PPP2R5C: variants seen among roughly 807,000 people sequenced by gnomAD.
PPP2R5C encodes the protein protein phosphatase 2 regulatory subunit B'gamma.
PPP2R5C carries 7 observed loss-of-function variants against 68.9 expected under a neutral mutation model. The observed-to-expected ratio is 0.10, with a 90% confidence interval of 0.06 to 0.19. The LOEUF (loss-of-function observed/expected upper bound fraction) is 0.19, where lower values mean the gene tolerates loss of function less well. PPP2R5C is among the 10% of genes least tolerant of loss of function. The probability of loss-of-function intolerance (pLI) is 1.00; values close to 1 mark genes in which losing one functional copy is unlikely to be tolerated. For synonymous variants in PPP2R5C, 210 were observed against 222.2 expected, an observed-to-expected ratio of 0.95 and a Z score of 0.49; for missense variants, 348 against 641.3, an observed-to-expected ratio of 0.54 and a Z score of 4.94.
At chr14:101,829,484 G>A (rs1218007903) in intron 1 of PPP2R5C, among the ~76,000 whole-genome samples, 3 of 152,162 alleles carry the variant, frequency 2.0e-5, no homozygotes, top group Admixed American at 6.5e-5. Flanking sequence ...TTGGGGTTCT[G>A]GGCAGCCTGA....
chr14:101,848,167 GAA>G (rs2041952367), intron 1 of PPP2R5C, among the ~76,000 whole-genome samples: 1 of 152,110 alleles, frequency 6.6e-6, no homozygotes, highest in East Asian at 1.9e-4. Flanking sequence ...TCTTAATTGG[GAA>G]AGTTTTTCAA....
chr14:101,823,083 T>C (rs1212801436), intron 1 of PPP2R5C, among the ~76,000 whole-genome samples: 3 of 152,236 alleles, frequency 2.0e-5, no homozygotes, highest in Non-Finnish European at 2.9e-5. Context: ...AAACTAAACT[T>C]GGAACCCCTA....
At chr14:101,771,879 G>T (rs1302980031) in intron 2 of PPP2R5C, among the ~76,000 whole-genome samples, 1 of 152,142 alleles carries the variant, frequency 6.6e-6, no homozygotes, top group African/African-American at 2.4e-5. Flanking sequence ...TGGCCAAGAT[G>T]TTTGTTGTTT....
At chr14:101,907,488 A>G (rs2046107758) in intron 10 of PPP2R5C, among the ~76,000 whole-genome samples, 1 of 152,126 alleles carries the variant, frequency 6.6e-6, no homozygotes, top group Non-Finnish European at 1.5e-5. Context: ...TTAATATGGT[A>G]TCATCTAATA....
chr14:101,768,475 C>T (rs776680805), intron 2 of PPP2R5C, among the ~76,000 whole-genome samples: 1 of 152,070 alleles, frequency 6.6e-6, no homozygotes, highest in Non-Finnish European at 1.5e-5. Flanking sequence ...AACAGTAACA[C>T]CCATTACATG....
At chr14:101,777,743 AG>A (rs2037495910) in intron 2 of PPP2R5C, among the ~76,000 whole-genome samples, 1 of 152,180 alleles carries the variant, frequency 6.6e-6, no homozygotes, top group African/African-American at 2.4e-5. Flanking sequence ...GCAATATACA[AG>A]GGTTCCAATT....
In PPP2R5C at chr14:101,889,055, A is replaced by G. The variant is rs545605240; in HGVS notation, c.630-1182A>G. On this transcript the variant is annotated intron_variant, in intron 5 of 13. Transcript: ENST00000334743. ...AAATCCTCCTTCAGTACCCAATTCAAGCACCACCTCTCAGTGCATTCTGAT... is the reference window on the plus strand; with the variant it reads ...AAATCCTCCTTCAGTACCCAATTCAGGCACCACCTCTCAGTGCATTCTGAT... Among the ~76,000 whole-genome samples, 3 of 152,330 alleles carry G rather than the reference A, an allele frequency of 2.0e-5. No homozygotes were observed. The South Asian group carries it at 6.2e-4, about 32-fold the overall frequency.
At chr14:101,828,871 G>T (rs1236524676) in intron 1 of PPP2R5C, among the ~76,000 whole-genome samples, 2 of 151,830 alleles carry the variant, frequency 1.3e-5, no homozygotes, top group African/African-American at 4.8e-5. Flanking sequence ...TAGAGACGGG[G>T]TTTCATTATG....
At chr14:101,766,285 G>C (rs1432832876) in intron 2 of PPP2R5C, 1 of 152,172 alleles carries the variant, frequency 6.6e-6, no homozygotes, top group Non-Finnish European at 1.5e-5. Context: ...AGGGTAGAGT[G>C]GTACAGTGGA....
intron 5 of PPP2R5C, 70 bp downstream of exon 7, chr14:101,883,632 C>A: frequency 1.3e-6 from 2 of 1,551,578 alleles, no homozygotes; most frequent in African/African-American, 1.4e-5. Flanking sequence ...TGCTCCCCTA[C>A]CCCATCGTCT....
intron 2 of PPP2R5C, among the ~76,000 whole-genome samples, chr14:101,857,993 A>G (rs1481582285): frequency 6.6e-6 from 1 of 152,196 alleles, no homozygotes; most frequent in Admixed American, 6.5e-5. Context: ...GGTTGAGATC[A>G]ACTTGATTGT....
chr14:101,766,479 G>A (rs1202728664), intron 2 of PPP2R5C: 2 of 152,218 alleles, frequency 1.3e-5, no homozygotes, highest in Non-Finnish European at 2.9e-5. Context: ...CATTTTCCCT[G>A]CAAGTATGGC....
In PPP2R5C at chr14:101,883,354, G is replaced by A; in HGVS notation, c.498+5G>A. ...GATCAGAAGTTTGTATTGCAGGTAA[G>A]GTACAAATTAGCTGACACTCTGAAA... On this transcript the variant is annotated splice_donor_5th_base_variant and intron_variant, in intron 4 of 13. Transcript: ENST00000334743. 3 of 1,604,908 alleles carry A rather than the reference G, an allele frequency of 1.9e-6. No individual in the cohort carries two copies. The highest frequency in any genetic ancestry group is 2.2e-5 in the South Asian group (2 of 89,344).
At position 101,836,542 on chromosome 14, in the gene PPP2R5C, A is replaced by C. The variant is rs2041113938; in HGVS notation, c.95-20144A>C. 1.1e-5 allele frequency: 6 copies of C among 564,782 alleles called. No individual in the cohort carries two copies. The South Asian group carries it at 1.2e-4, about 11-fold the overall frequency. The allele number at this position is 564,782 out of a possible 1,614,324, so 35.0% of individuals were successfully genotyped here. On this transcript the variant is annotated intron_variant, in intron 1 of 13. Coordinates refer to ENST00000334743, the Ensembl canonical transcript of PPP2R5C. The stretch of plus-strand genomic sequence containing the variant: ...TTCAAAATATTGTTTAGACAAAATA[A>C]ATTTCTTTAAATATAATATCTCTAC...
rs980749154 is a variant in PPP2R5C at position 101,891,278 on chromosome 14, G to A, written c.689+982G>A. On this transcript the variant is annotated intron_variant, in intron 6 of 13. Coordinates refer to ENST00000334743, the Ensembl canonical transcript of PPP2R5C. This position sits in a 1 kb window ranked among gnomAD's most constrained non-coding sequence, Gnocchi z 4.9. Reference sequence around the variant, plus strand: ...CTCTGGATGGATCTAGTGACGCTCTGCAGCTCCTGAGCACAAGACTCTCTT... The same window carrying A: ...CTCTGGATGGATCTAGTGACGCTCTACAGCTCCTGAGCACAAGACTCTCTT... Among the ~76,000 whole-genome samples the A allele has an allele frequency of 6.6e-6, 1 of 152,170 alleles. No homozygotes were observed. Among genetic ancestry groups the A allele is most frequent in the Non-Finnish European group, 1.5e-5 (1 of 68,034 alleles).
chr14:101,918,126 A>G (rs907594889), intron 13 of PPP2R5C, among the ~76,000 whole-genome samples, 179 bp downstream of exon 15: 1 of 116,072 alleles, frequency 8.6e-6, no homozygotes, highest in Non-Finnish European at 1.8e-5. Flanking sequence ...ATTACTAGAA[A>G]CAGTTTTTAA....
chr14:101,811,225 T>C (rs1056764938), intron 1 of PPP2R5C, among the ~76,000 whole-genome samples: 4 of 152,220 alleles, frequency 2.6e-5, no homozygotes, highest in African/African-American at 9.7e-5. Flanking sequence ...TTTATTGTTT[T>C]TGTAGTGCAC....
chr14:101,854,172 T>C (rs1489431049), intron 1 of PPP2R5C, among the ~76,000 whole-genome samples: 3 of 152,194 alleles, frequency 2.0e-5, no homozygotes, highest in Non-Finnish European at 4.4e-5. Flanking sequence ...TATTTAGGAA[T>C]AAAATTTTTG....
At chr14:101,777,253 G>A (rs535019373) in intron 2 of PPP2R5C, among the ~76,000 whole-genome samples, 10 of 152,236 alleles carry the variant, frequency 6.6e-5, no homozygotes, top group South Asian at 4.1e-4. Context: ...TGAATAATGC[G>A]CTGTGAACAT....
Sources: allele counts gnomAD v4.1 joint callset (sites outside exome capture counted in the v4.1 genomes callset), GRCh38; gene constraint gnomAD v4.1.1; non-coding constraint Gnocchi (gnomAD v3.1); transcripts MANE v1.5; gene names NCBI Gene and HGNC (gene_info 2026-07-23, HGNC 2026-07-21).